ZDHHC15: variants seen among roughly 807,000 people sequenced by gnomAD.
ZDHHC15 encodes palmitoyltransferase ZDHHC15.
In ZDHHC15, 19 loss-of-function variants were observed where a neutral mutation model predicts 31.7. The observed-to-expected ratio is 0.60, with a 90% CI of 0.42 to 0.88. ZDHHC15 has a LOEUF of 0.88. Ranked by LOEUF, ZDHHC15 falls within the 40% of genes least tolerant of loss-of-function variation. The probability of loss-of-function intolerance (pLI) is 0.00; values close to 1 mark genes in which losing one functional copy is unlikely to be tolerated. For synonymous variants in ZDHHC15, 103 were observed against 90.0 expected (o/e 1.14, Z -0.82); for missense variants, 209 against 251.2 (o/e 0.83, Z 1.14).
rs927099732 is a variant in ZDHHC15, at chrX:75,369,246, G to C, written c.*3732C>G. 4 of 111,515 alleles carry C rather than the reference G, an allele frequency of 3.6e-5. No individual in the cohort carries two copies. Among genetic ancestry groups the C allele is most frequent in the Non-Finnish European group, 7.5e-5 (4 of 53,114 alleles). 9.2% of individuals were successfully genotyped at this position (111,515 alleles called of 1,213,427 possible). ...ACTCTTTTTCTAAAAGGAGAAAACA[G>C]ATAATCATTCTTTTAAATTAAAGTA... On this transcript the variant is annotated 3_prime_UTR_variant, in exon 12 of 12. Transcript: ENST00000373367.
chrX:75,397,547 A>AT (rs1323298579), intron 10 of ZDHHC15, among the ~76,000 whole-genome samples: 8 of 109,786 alleles, frequency 7.3e-5, no homozygotes, highest in Non-Finnish European at 1.3e-4. Flanking sequence ...AAAAATAAAA[A>AT]AAAACTTGTT....
intron 3 of ZDHHC15, among the ~76,000 whole-genome samples, chrX:75,478,429 C>G (rs771650696): frequency 1.8e-5 from 2 of 111,373 alleles, no homozygotes; most frequent in Non-Finnish European, 3.8e-5. Flanking sequence ...GTCACTCAGG[C>G]TGGAGTGTAG....
intron 4 of ZDHHC15, among the ~76,000 whole-genome samples, chrX:75,447,610 C>A (rs1384550978): frequency 9.0e-6 from 1 of 111,512 alleles, no homozygotes. Flanking sequence ...GAATCAGTGT[C>A]CAATAGATGA....
At chrX:75,381,064 G>A (rs929641988) in intron 10 of ZDHHC15, among the ~76,000 whole-genome samples, 1 of 111,193 alleles carries the variant, frequency 9.0e-6, no homozygotes, top group Non-Finnish European at 1.9e-5. Flanking sequence ...AGTCACCACT[G>A]CTTTATGACT....
chrX:75,444,063 T>G (rs1399177349), intron 4 of ZDHHC15, among the ~76,000 whole-genome samples: 1 of 111,030 alleles, frequency 9.0e-6, no homozygotes, highest in African/African-American at 3.3e-5. Context: ...AGTGTGGCAA[T>G]TCCTCAGGGA....
intron 1 of ZDHHC15, among the ~76,000 whole-genome samples, chrX:75,518,802 TATATAC>T (rs1211618945): frequency 4.3e-3 from 102 of 23,652 alleles, no homozygotes; most frequent in Non-Finnish European, 6.2e-3. Flanking sequence ...TATATATATA[TATATAC>T]ACACACACAC....
intron 3 of ZDHHC15, among the ~76,000 whole-genome samples, chrX:75,451,824 T>C (rs767811752): frequency 9.0e-6 from 1 of 111,075 alleles, no homozygotes; most frequent in Non-Finnish European, 1.9e-5. Flanking sequence ...ATATTTGATG[T>C]TGCTGCTAAG....
intron 3 of ZDHHC15, among the ~76,000 whole-genome samples, chrX:75,464,287 C>T (rs745320091): frequency 1.6e-3 from 174 of 110,023 alleles, no homozygotes; most frequent in African/African-American, 4.3e-3. Flanking sequence ...GCCTGTTGTG[C>T]GGTAGGGGAA....
At chrX:75,417,612 C>T (rs184880874) in intron 9 of ZDHHC15, among the ~76,000 whole-genome samples, 36 of 111,852 alleles carry the variant, frequency 3.2e-4, no homozygotes, top group Non-Finnish European at 4.1e-4. Context: ...TGGTGAAAGA[C>T]AATGCGCAAA....
chrX:75,383,554 T>C (rs2083139501), intron 10 of ZDHHC15, among the ~76,000 whole-genome samples: 1 of 110,636 alleles, frequency 9.0e-6, no homozygotes, highest in Admixed American at 9.7e-5. Flanking sequence ...CTCCCTCCTC[T>C]GTGAAGCCTT....
chrX:75,407,622 G>A (rs749138982), intron 10 of ZDHHC15, among the ~76,000 whole-genome samples: 15 of 96,645 alleles, frequency 1.6e-4, no homozygotes, highest in Non-Finnish European at 1.9e-4. Flanking sequence ...CAGCCGCCCC[G>A]TCTGGGAGGT....
At position 75,369,635 on chromosome X, in the gene ZDHHC15, G is replaced by C. The variant is rs1200388217; in HGVS notation, c.*3343C>G. The C allele has an allele frequency of 8.9e-6, 1 of 111,742 alleles. No individual in the cohort carries two copies. The highest frequency in any genetic ancestry group is 3.7e-4 in the South Asian group (1 of 2,676). The allele number at this position is 111,742 out of a possible 1,213,427, so 9.2% of individuals were successfully genotyped here. On this transcript the variant is annotated 3_prime_UTR_variant, in exon 12 of 12. Transcript: ENST00000373367. ...CTCTATGGTGCCACAGGAGGTAATG[G>C]CACTGGTTGATGCCACATAGTGTGA... is the stretch of plus-strand genomic sequence containing the variant.
At chrX:75,503,466 T>C (rs2085116137) in intron 2 of ZDHHC15, among the ~76,000 whole-genome samples, 1 of 111,086 alleles carries the variant, frequency 9.0e-6, no homozygotes, top group Non-Finnish European at 1.9e-5. Context: ...TACTATTAAC[T>C]ATTATTTTGT....
intron 2 of ZDHHC15, among the ~76,000 whole-genome samples, chrX:75,494,341 G>T (rs902072133): frequency 3.6e-5 from 4 of 111,411 alleles, no homozygotes; most frequent in Admixed American, 1.9e-4. Context: ...TCAATATCGT[G>T]AAAATGGCCA....
At chrX:75,496,824 T>C (rs1024162695) in intron 2 of ZDHHC15, among the ~76,000 whole-genome samples, 2 of 111,141 alleles carry the variant, frequency 1.8e-5, no homozygotes, top group Non-Finnish European at 3.8e-5. Context: ...ACCTATTGTG[T>C]CTCTGGGATA....
At chrX:75,508,769 G>A (rs1167925979) in intron 1 of ZDHHC15, among the ~76,000 whole-genome samples, 4 of 110,903 alleles carry the variant, frequency 3.6e-5, no homozygotes, top group Admixed American at 9.7e-5. Flanking sequence ...CACCAACAGT[G>A]TAAAAGTGTT....
intron 3 of ZDHHC15, among the ~76,000 whole-genome samples, chrX:75,454,262 C>T (rs191441862): frequency 1.0e-3 from 117 of 111,802 alleles, no homozygotes; most frequent in Non-Finnish European, 1.7e-3. Context: ...ACAGCCAAAT[C>T]ATGAGTGAAC....
intron 1 of ZDHHC15, among the ~76,000 whole-genome samples, chrX:75,515,056 C>A (rs1268562385): frequency 1.8e-5 from 2 of 111,373 alleles, no homozygotes; most frequent in Admixed American, 9.5e-5. Context: ...AGACCAATAA[C>A]AGGCTCTGAA....
chrX:75,500,560 G>A (rs1307791318), intron 2 of ZDHHC15, among the ~76,000 whole-genome samples: 1 of 109,204 alleles, frequency 9.2e-6, no homozygotes, highest in African/African-American at 3.3e-5. Context: ...TCTATGAATA[G>A]TGATAGAGGA....
Sources: gnomAD v4.1 joint callset for allele counts (sites outside exome capture counted in the v4.1 genomes callset) on GRCh38, gnomAD v4.1.1 for gene constraint, MANE v1.5 for transcripts, NCBI Gene and HGNC (gene_info 2026-07-23, HGNC 2026-07-21) for gene names.